The following RAD51B variants were observed in gnomAD, a reference collection of about 807,000 sequenced individuals.
RAD51B encodes DNA repair protein RAD51 homolog 2.
In RAD51B, 38 loss-of-function variants were observed where a neutral mutation model predicts 42.2. That is an observed-to-expected ratio of 0.90 (90% confidence interval 0.70 to 1.18). The LOEUF (loss-of-function observed/expected upper bound fraction) is 1.18, where lower values mean the gene tolerates loss of function less well. Ranked by LOEUF, RAD51B falls within the 50% of genes most tolerant of loss-of-function variation. The probability of loss-of-function intolerance (pLI) is 0.00; values close to 1 mark genes in which losing one functional copy is unlikely to be tolerated. For synonymous variants in RAD51B, 154 were observed against 145.2 expected (o/e 1.06, Z -0.43); for missense variants, 373 against 400.7 (o/e 0.93, Z 0.59).
At chr14:67,997,861 G>T (rs1311375927) in intron 7 of RAD51B, among the ~76,000 whole-genome samples, 1 of 152,070 alleles carries the variant, frequency 6.6e-6, no homozygotes, top group Non-Finnish European at 1.5e-5. Context: ...TCTTTCTCGT[G>T]CCAAATCTGC....
chr14:67,871,344 G>T (rs1383515998), intron 5 of RAD51B, among the ~76,000 whole-genome samples: 1 of 152,180 alleles, frequency 6.6e-6, no homozygotes, highest in Admixed American at 6.5e-5. Context: ...TAGAAGAAAT[G>T]GATAAACTTC....
intron 11 of RAD51B, among the ~76,000 whole-genome samples, chr14:68,674,172 C>T (rs1234829383): frequency 1.4e-5 from 1 of 73,764 alleles, no homozygotes; most frequent in Non-Finnish European, 2.6e-5. Flanking sequence ...TACACACATA[C>T]TGTATACACA....
At chr14:68,268,938 CTAT>C (rs1423528067) in intron 7 of RAD51B, among the ~76,000 whole-genome samples, 1 of 152,184 alleles carries the variant, frequency 6.6e-6, no homozygotes, top group East Asian at 1.9e-4. Context: ...TCAGATTCAA[CTAT>C]AGCAGCCACA....
chr14:68,327,479 G>T (rs2082273204), intron 8 of RAD51B, among the ~76,000 whole-genome samples: 1 of 151,734 alleles, frequency 6.6e-6, no homozygotes, highest in South Asian at 2.1e-4. Flanking sequence ...ACGCTTGGAG[G>T]CATCTAGCTA....
At chr14:68,348,253 A>G (rs972159535) in intron 8 of RAD51B, among the ~76,000 whole-genome samples, 4 of 152,246 alleles carry the variant, frequency 2.6e-5, no homozygotes, top group Non-Finnish European at 1.5e-5. Flanking sequence ...TTTGCAAAGC[A>G]CAAACAATTT....
chr14:68,083,569 A>C (rs907662194), intron 7 of RAD51B, among the ~76,000 whole-genome samples: 10 of 152,210 alleles, frequency 6.6e-5, no homozygotes, highest in Non-Finnish European at 1.2e-4. Context: ...ATTGTACAAT[A>C]CTTAAAAACG....
At chr14:68,545,607 A>T in intron 10 of RAD51B, 1 of 456,130 alleles carries the variant, frequency 2.2e-6, no homozygotes, top group South Asian at 1.5e-5. Flanking sequence ...ATTGTAAAGA[A>T]GTTCCACCAG....
chr14:67,900,598 T>TTGTGTG (rs142144274), intron 7 of RAD51B, among the ~76,000 whole-genome samples: 22,789 of 142,078 alleles, frequency 0.16, 1,905 homozygotes, highest in Middle Eastern at 0.28. Flanking sequence ...TTCTTTCAGT[T>TTGTGTG]TGTGTGTGTG....
intron 8 of RAD51B, among the ~76,000 whole-genome samples, chr14:68,344,857 G>C (rs2082643769): frequency 6.9e-6 from 1 of 143,888 alleles, no homozygotes; most frequent in South Asian, 2.3e-4. Flanking sequence ...TGAGGCAGGA[G>C]AATGGCGTGA....
At chr14:68,252,340 T>C (rs1303477879) in intron 7 of RAD51B, among the ~76,000 whole-genome samples, 3 of 152,196 alleles carry the variant, frequency 2.0e-5, no homozygotes, top group African/African-American at 7.2e-5. Flanking sequence ...GAGGGAGAAA[T>C]AAGAGCCATC....
chr14:68,030,860 C>T (rs2076030281), intron 7 of RAD51B, among the ~76,000 whole-genome samples: 1 of 152,122 alleles, frequency 6.6e-6, no homozygotes, highest in South Asian at 2.1e-4. Flanking sequence ...CACCTAGAGG[C>T]CACTGTAGGG....
At chr14:68,114,911 A>T (rs916439947) in intron 7 of RAD51B, among the ~76,000 whole-genome samples, 4 of 151,868 alleles carry the variant, frequency 2.6e-5, no homozygotes, top group Non-Finnish European at 5.9e-5. Context: ...GCTGGAGAGG[A>T]TGTGGAGAAA....
rs996903342 is a variant in RAD51B at position 68,201,602 on chromosome 14, A to C, written c.757-90282A>C. Among the ~76,000 whole-genome samples the C allele has an allele frequency of 2.0e-5, 3 of 152,170 alleles. No individual in the cohort carries two copies. In the South Asian group the frequency reaches 6.2e-4, roughly 32 times the overall value. ...CCATTAGCAAGTAAGTCACCTTTTC[A>C]TACCATGTTTCTCCTACCTGTCAAG... On this transcript the variant is annotated intron_variant, in intron 7 of 10. Transcript: ENST00000471583.
At chr14:67,965,543 G>A (rs770012726) in intron 7 of RAD51B, among the ~76,000 whole-genome samples, 1 of 152,022 alleles carries the variant, frequency 6.6e-6, no homozygotes, top group Non-Finnish European at 1.5e-5. Flanking sequence ...ACACATAAGG[G>A]ATAAAGTCTA....
intron 10 of RAD51B, chr14:68,470,653 G>A: frequency 4.2e-6 from 2 of 479,804 alleles, no homozygotes; most frequent in Admixed American, 5.7e-5. Context: ...ACAGAAGAAA[G>A]AGTGAAGAAA....
intron 7 of RAD51B, among the ~76,000 whole-genome samples, chr14:68,085,248 C>T (rs965758558): frequency 1.8e-4 from 28 of 152,152 alleles, no homozygotes; most frequent in African/African-American, 6.8e-4. Context: ...GTTCTTTAGA[C>T]AGTGTCTGCA....
At chr14:68,235,765 T>A (rs986232320) in intron 7 of RAD51B, among the ~76,000 whole-genome samples, 2 of 147,978 alleles carry the variant, frequency 1.4e-5, no homozygotes, top group East Asian at 3.9e-4. Flanking sequence ...CATGTGTTCA[T>A]TGTAGCACTA....
rs547009453 is a variant in RAD51B at position 67,890,481 on chromosome 14, T to C, written c.756+3277T>C. 4.5e-4 allele frequency among the ~76,000 whole-genome samples: 68 copies of C among 151,956 alleles called. No individual in the cohort carries two copies. The South Asian group carries it at 0.014, about 31-fold the overall frequency. On this transcript the variant is annotated intron_variant, in intron 7 of 10. Transcript: ENST00000471583. Reference sequence around the variant, plus strand: ...TATTTATTTATTATTATTATTATACTTTAAGTTTTAGGGTACATGTGCACA... The same window carrying C: ...TATTTATTTATTATTATTATTATACCTTAAGTTTTAGGGTACATGTGCACA...
intron 8 of RAD51B, among the ~76,000 whole-genome samples, chr14:68,407,333 A>G (rs956668903): frequency 3.9e-5 from 6 of 152,234 alleles, no homozygotes; most frequent in South Asian, 2.1e-4. Context: ...GATAAAAAGT[A>G]TAGTAAATAC....
Sources: allele counts gnomAD v4.1 joint callset (sites outside exome capture counted in the v4.1 genomes callset), GRCh38; gene constraint gnomAD v4.1.1; transcripts MANE v1.5; gene names NCBI Gene and HGNC (gene_info 2026-07-23, HGNC 2026-07-21).